The following FBXL7 variants were observed in gnomAD, a reference collection of about 807,000 sequenced individuals.
FBXL7 encodes F-box and leucine rich repeat protein 7.
A neutral mutation model predicts 38.3 loss-of-function variants in FBXL7; 12 were observed. The ratio of observed to expected loss-of-function variants is 0.31; its 90% CI spans 0.20 to 0.51. The LOEUF (loss-of-function observed/expected upper bound fraction) is 0.51, where lower values mean the gene tolerates loss of function less well. FBXL7 is among the 20% of genes least tolerant of loss of function. The pLI, the probability that FBXL7 is intolerant of heterozygous loss-of-function variation, is 0.98. For synonymous variants in FBXL7, 297 were observed against 300.9 expected (o/e 0.99, Z 0.13); for missense variants, 567 against 676.4 (o/e 0.84, Z 1.79).
At chr5:15,688,370 A>G (rs913379763) in intron 2 of FBXL7, among the ~76,000 whole-genome samples, 6 of 152,180 alleles carry the variant, frequency 3.9e-5, no homozygotes, top group Non-Finnish European at 8.8e-5. Context: ...CCCAATTTAT[A>G]AATTTAGAAG....
chr5:15,510,581 G>T (rs1019095076), intron 1 of FBXL7, among the ~76,000 whole-genome samples: 1 of 150,664 alleles, frequency 6.6e-6, no homozygotes, highest in Non-Finnish European at 1.5e-5. Context: ...TAAAAATAAG[G>T]AGAGGAGAGA....
intron 2 of FBXL7, among the ~76,000 whole-genome samples, chr5:15,691,897 A>G (rs1244121429): frequency 3.9e-5 from 6 of 152,164 alleles, no homozygotes; most frequent in Non-Finnish European, 7.3e-5. Context: ...GCATCGCTGG[A>G]TTTGGATGGT....
At chr5:15,924,412 G>A (rs1579605631) in intron 2 of FBXL7, among the ~76,000 whole-genome samples, 1 of 152,126 alleles carries the variant, frequency 6.6e-6, no homozygotes, top group East Asian at 1.9e-4. Flanking sequence ...TTGTCTCAAA[G>A]GAGTTTTTAG....
chr5:15,798,012 C>T (rs1737461851), intron 2 of FBXL7, among the ~76,000 whole-genome samples: 1 of 151,998 alleles, frequency 6.6e-6, no homozygotes, highest in South Asian at 2.1e-4. Context: ...TTAATATAGC[C>T]CAGATGACAG....
At chr5:15,675,652 T>C (rs898951015) in intron 2 of FBXL7, among the ~76,000 whole-genome samples, 1 of 152,252 alleles carries the variant, frequency 6.6e-6, no homozygotes, top group African/African-American at 2.4e-5. Flanking sequence ...ACAGATTTGT[T>C]GGATTAAATA....
intron 2 of FBXL7, among the ~76,000 whole-genome samples, chr5:15,637,479 TATC>T (rs751757849): frequency 1.3e-4 from 20 of 152,182 alleles, no homozygotes; most frequent in Admixed American, 5.9e-4. Context: ...ATGACAAAAG[TATC>T]ATATAATAGG....
At chr5:15,672,197 C>CCATATAAGA (rs1243479636) in intron 2 of FBXL7, among the ~76,000 whole-genome samples, 4 of 152,094 alleles carry the variant, frequency 2.6e-5, no homozygotes, top group African/African-American at 9.7e-5. Flanking sequence ...TATCGTTTGA[C>CCATATAAGA]CATATAAGAA....
At chr5:15,575,890 A>T (rs955320627) in intron 1 of FBXL7, among the ~76,000 whole-genome samples, 2 of 152,136 alleles carry the variant, frequency 1.3e-5, no homozygotes, top group African/African-American at 4.8e-5. Flanking sequence ...AGAACAAGGA[A>T]CCTATCAACA....
chr5:15,902,064 C>T (rs1741246092), intron 2 of FBXL7, among the ~76,000 whole-genome samples: 1 of 152,174 alleles, frequency 6.6e-6, no homozygotes, highest in South Asian at 2.1e-4. Context: ...GTTTTACTTC[C>T]TCAGTGGGAC....
chr5:15,727,277 A>G (rs896789144), intron 2 of FBXL7, among the ~76,000 whole-genome samples: 2 of 152,138 alleles, frequency 1.3e-5, no homozygotes, highest in African/African-American at 2.4e-5. Context: ...AAAATTGCCT[A>G]TATATTTATA....
chr5:15,938,911 T>C lies in FBXL7; in HGVS notation c.*1725T>C, dbSNP rs1742272737. On this transcript the variant is annotated 3_prime_UTR_variant, in exon 4 of 4. Transcript: ENST00000504595. ...TTATTCTCTAGCCAAGCCCCACCTT[T>C]GTTACGTTGAAATCCCTCATTTATT... 5.0e-6 allele frequency: 2 copies of C among 398,864 alleles called. No individual in the cohort carries two copies. Among genetic ancestry groups the C allele is most frequent in the Non-Finnish European group, 8.8e-6 (2 of 226,006 alleles). The allele number at this position is 398,864 out of a possible 1,614,324, so 24.7% of individuals were successfully genotyped here. A position where few individuals can be genotyped will look rare whatever the true frequency, so the allele number is the denominator to read the frequency against.
In FBXL7 at chr5:15,912,497, C is replaced by T. The variant is rs906650855; in HGVS notation, c.128-15393C>T. Among the ~76,000 whole-genome samples, 7 of 149,622 alleles carry T rather than the reference C, an allele frequency of 4.7e-5. No homozygotes were observed. The South Asian group carries it at 6.3e-4, about 13-fold the overall frequency. Reference sequence around the variant, plus strand: ...AATCACCCGTCTTCTGCGTCGCTCACGCTGGGAGCTGTAGACCGGAGCTGT... The same window carrying T: ...AATCACCCGTCTTCTGCGTCGCTCATGCTGGGAGCTGTAGACCGGAGCTGT... On this transcript the variant is annotated intron_variant, in intron 2 of 3. Coordinates refer to ENST00000504595, the MANE Select transcript of FBXL7 (RefSeq NM_012304.5).
intron 1 of FBXL7, among the ~76,000 whole-genome samples, chr5:15,605,924 C>T (rs944921791): frequency 5.3e-5 from 8 of 151,966 alleles, no homozygotes; most frequent in Non-Finnish European, 7.4e-5. Context: ...AGACCCTGTC[C>T]CAAGTCAAGT....
intron 2 of FBXL7, among the ~76,000 whole-genome samples, chr5:15,672,459 A>G (rs536922966): frequency 1.3e-5 from 2 of 152,278 alleles, no homozygotes; most frequent in East Asian, 3.9e-4. Flanking sequence ...GTTTCTAAAA[A>G]CGATTCTGTT....
intron 2 of FBXL7, among the ~76,000 whole-genome samples, chr5:15,655,187 C>G (rs1265322130): frequency 6.6e-6 from 1 of 152,098 alleles, no homozygotes; most frequent in Non-Finnish European, 1.5e-5. Flanking sequence ...TCTGTGGTAT[C>G]AGAAATGATG....
At chr5:15,870,738 C>G (rs1739919390) in intron 2 of FBXL7, among the ~76,000 whole-genome samples, 1 of 152,220 alleles carries the variant, frequency 6.6e-6, no homozygotes, top group African/African-American at 2.4e-5. Flanking sequence ...CACAGAGCCA[C>G]TATAGCCAGA....
rs1000995995 is a variant in FBXL7, at chr5:15,939,048, C to T, written c.*1862C>T. Reference sequence around the variant, plus strand: ...GACAACTGCACTCCTACTGTAGGCTCCTGTGCATACTGTCGTCTTCTGTGG... The same window carrying T: ...GACAACTGCACTCCTACTGTAGGCTTCTGTGCATACTGTCGTCTTCTGTGG... On this transcript the variant is annotated 3_prime_UTR_variant, in exon 4 of 4. Transcript: ENST00000504595. 1.8e-5 allele frequency: 7 copies of T among 398,926 alleles called. No homozygotes were observed. The highest frequency in any genetic ancestry group is 3.1e-5 in the Non-Finnish European group (7 of 226,070). The allele number at this position is 398,926 out of a possible 1,614,324, so 24.7% of individuals were successfully genotyped here.
chr5:15,546,393 C>A (rs1330433279), intron 1 of FBXL7, among the ~76,000 whole-genome samples: 1 of 151,992 alleles, frequency 6.6e-6, no homozygotes, highest in Non-Finnish European at 1.5e-5. Context: ...ATGGTGAAAC[C>A]CCATCTCTAC....
At chr5:15,832,133 C>G (rs1254887126) in intron 2 of FBXL7, among the ~76,000 whole-genome samples, 1 of 152,142 alleles carries the variant, frequency 6.6e-6, no homozygotes, top group Non-Finnish European at 1.5e-5. Flanking sequence ...ATTATTCTGG[C>G]TTTAAAGAGT....
Sources: gnomAD v4.1 joint callset for allele counts (sites outside exome capture counted in the v4.1 genomes callset) on GRCh38, gnomAD v4.1.1 for gene constraint, MANE v1.5 for transcripts, NCBI Gene and HGNC (gene_info 2026-07-23, HGNC 2026-07-21) for gene names.